The following NDNF variants were observed in gnomAD, a reference collection of about 807,000 sequenced individuals.
The protein encoded by NDNF is protein NDNF.
In NDNF, 16 loss-of-function variants were observed where a neutral mutation model predicts 42.0. That is an observed-to-expected ratio of 0.38 (90% CI 0.26 to 0.58). NDNF has a LOEUF of 0.58. NDNF is among the 20% of genes least tolerant of loss of function. NDNF has a pLI of 0.67. For synonymous variants in NDNF, 248 were observed against 251.7 expected (o/e 0.99, Z 0.14); for missense variants, 616 against 666.2 (o/e 0.92, Z 0.83).
chr4:121,065,767 T>C (rs1181309208), intron 1 of NDNF, among the ~76,000 whole-genome samples: 1 of 151,906 alleles, frequency 6.6e-6, no homozygotes, highest in Non-Finnish European at 1.5e-5. Context: ...TTTATACATA[T>C]ATATGTATAA....
chr4:121,072,381 T>C lies in NDNF; in HGVS notation c.-390A>G, dbSNP rs1258827330. On this transcript the variant is annotated 5_prime_UTR_variant, in exon 1 of 4. Transcript: ENST00000379692. ...AGGATGCCGCAGCGACCCGCGGGGCTGGCGCGGGCTTCGCCGGCCGCCGCT... is the reference window on the plus strand; with the variant it reads ...AGGATGCCGCAGCGACCCGCGGGGCCGGCGCGGGCTTCGCCGGCCGCCGCT... The C allele has an allele frequency of 4.0e-5, 6 of 151,260 alleles. No individual in the cohort carries two copies. The highest frequency in any genetic ancestry group is 2.0e-4 in the Admixed American group (3 of 15,218). The allele number at this position is 151,260 out of a possible 1,614,324, so 9.4% of individuals were successfully genotyped here. A position where few individuals can be genotyped will look rare whatever the true frequency, so the allele number is the denominator to read the frequency against.
intron 1 of NDNF, among the ~76,000 whole-genome samples, chr4:121,056,220 G>A (rs1056547180): frequency 2.6e-5 from 4 of 152,194 alleles, no homozygotes; most frequent in African/African-American, 9.7e-5. Flanking sequence ...AATCCGGAAT[G>A]TAGCGAACTA....
chr4:121,037,876 C>A (rs1028783041), intron 3 of NDNF: 15 of 402,350 alleles, frequency 3.7e-5, no homozygotes, highest in Non-Finnish European at 6.6e-5. Context: ...ATTATTTCTT[C>A]AGAGCAGAAT....
chr4:121,037,412 G>T lies in NDNF; in HGVS notation c.559C>A (p.Leu187Met), dbSNP rs747607712. 1.5e-5 allele frequency: 25 copies of T among 1,614,042 alleles called. No individual in the cohort carries two copies. Among genetic ancestry groups the T allele is most frequent in the Non-Finnish European group, 1.9e-5 (23 of 1,180,038 alleles). Residue 187 changes from leucine to methionine, a missense_variant, in exon 4 of 4, where the codon CTG (leucine) becomes ATG (methionine). By Grantham distance (15) the Leu-to-Met change is conservative. Transcript: ENST00000379692. ...PYDPRVDVTS[L>M]GRTTVTLAWK... ...GCCAAAGTGACCGTGGTGCGCCCCA[G>T]TGAGGTCACATCTACTCTTGGGTCA...
At chr4:121,048,800 T>C (rs1463786902) in intron 1 of NDNF, among the ~76,000 whole-genome samples, 2 of 151,846 alleles carry the variant, frequency 1.3e-5, no homozygotes, top group Non-Finnish European at 2.9e-5. Context: ...ATCACGCCAC[T>C]GCACTCCAGC....
At position 121,072,243 on chromosome 4, in the gene NDNF, T is replaced by C. The variant is rs546011761; in HGVS notation, c.-252A>G. The C allele has an allele frequency of 3.9e-5, 6 of 152,808 alleles. No homozygotes were observed. In the East Asian group the frequency reaches 1.2e-3, roughly 30 times the overall value. 9.5% of individuals were successfully genotyped at this position (152,808 alleles called of 1,614,324 possible). A position where few individuals can be genotyped will look rare whatever the true frequency, so the allele number is the denominator to read the frequency against. On this transcript the variant is annotated 5_prime_UTR_variant, in exon 1 of 4. Transcript: ENST00000379692. ...GCGGGCGGCGCGCGGTCGCCGAAGT[T>C]GCTGCGAAGTGGAGTAGGGAGCCGC...
At chr4:121,070,367 T>G (rs1237353202) in intron 1 of NDNF, among the ~76,000 whole-genome samples, 1 of 152,162 alleles carries the variant, frequency 6.6e-6, no homozygotes, top group Admixed American at 6.5e-5. Context: ...TTGGGAGGGA[T>G]GTTTTATCTC....
At chr4:121,070,947 G>A (rs1727582756) in intron 1 of NDNF, among the ~76,000 whole-genome samples, 1 of 152,164 alleles carries the variant, frequency 6.6e-6, no homozygotes, top group Non-Finnish European at 1.5e-5. Flanking sequence ...GAGCTGATGC[G>A]GGGCGGGTCC....
intron 1 of NDNF, among the ~76,000 whole-genome samples, chr4:121,052,209 A>C (rs1727210166): frequency 6.6e-6 from 1 of 152,232 alleles, no homozygotes; most frequent in Non-Finnish European, 1.5e-5. Flanking sequence ...CAGATTCATC[A>C]CTATAAATAT....
intron 3 of NDNF, among the ~76,000 whole-genome samples, chr4:121,039,208 A>AAAGACTATGTATG (rs1321895629): frequency 3.2e-5 from 3 of 93,778 alleles, no homozygotes; most frequent in Admixed American, 1.2e-4. Context: ...ATATATATAT[A>AAAGACTATGTATG]TATATATATA....
chr4:121,036,312 G>A lies in NDNF; in HGVS notation c.1659C>T (p.His553=), dbSNP rs1243431125. 2 of 1,613,672 alleles carry A rather than the reference G, an allele frequency of 1.2e-6. No individual in the cohort carries two copies. The highest frequency in any genetic ancestry group is 8.5e-7 in the Non-Finnish European group (1 of 1,179,860). The change falls in exon 4 of 4, where the codon CAC becomes CAT. Residue 553 remains histidine, a synonymous_variant. Transcript: ENST00000379692. ...CAACCTTACTCTGATACTTTACAGAGTGCCCCCCATGTCCTATGACATAAA... is the reference window on the plus strand; with the variant it reads ...CAACCTTACTCTGATACTTTACAGAATGCCCCCCATGTCCTATGACATAAA... The part of the protein sequence containing the change: ...LDVYVIGHGG[H]SVKYQSKVVK...
At chr4:121,052,291 G>A (rs1727211832) in intron 1 of NDNF, among the ~76,000 whole-genome samples, 1 of 152,154 alleles carries the variant, frequency 6.6e-6, no homozygotes, top group South Asian at 2.1e-4. Flanking sequence ...TAATGTGCCT[G>A]ATCATGTGCA....
At position 121,039,190 on chromosome 4, in the gene NDNF, GTGTATATATATA is replaced by G. The variant is rs1356523360; in HGVS notation, c.313+728_313+739del. Among the ~76,000 whole-genome samples the G allele has an allele frequency of 3.5e-3, 238 of 67,964 alleles. 2 individuals are homozygous for G. The highest frequency in any genetic ancestry group is 0.014 in the African/African-American group (178 of 12,810). The allele number at this position is 67,964 out of a possible 152,430, so 44.6% of individuals were successfully genotyped here. Reference sequence around the variant, plus strand: ...ATATATAAAGACTATGTGTGTGTGTGTGTATATATATATATATATATATATATATATATATAT... The same window carrying G: ...ATATATAAAGACTATGTGTGTGTGTGTATATATATATATATATATATATAT... On this transcript the variant is annotated intron_variant, in intron 3 of 3. Coordinates refer to ENST00000379692, the MANE Select transcript of NDNF (RefSeq NM_024574.4).
Position 121,051,663 on chromosome 4 carries a change from C to G in NDNF, c.-1-5825G>C, listed in dbSNP as rs17051285. On this transcript the variant is annotated intron_variant, in intron 1 of 3. Coordinates refer to ENST00000379692, the MANE Select transcript of NDNF (RefSeq NM_024574.4). ...ATTTTGCAAAATTTATCTGCAATTA[C>G]ATAAGATCAACTAGTCAATTTACCC... 7.7e-4 allele frequency among the ~76,000 whole-genome samples: 117 copies of G among 152,274 alleles called. No individual in the cohort carries two copies. The East Asian group carries it at 0.018, about 24-fold the overall frequency.
chr4:121,060,395 G>A (rs1264143847), intron 1 of NDNF, among the ~76,000 whole-genome samples: 3 of 151,988 alleles, frequency 2.0e-5, no homozygotes, highest in East Asian at 3.9e-4. Context: ...TGCCCAGGCT[G>A]GTTTTGAACT....
chr4:121,050,908 T>C (rs1428440757), intron 1 of NDNF, among the ~76,000 whole-genome samples: 1 of 152,084 alleles, frequency 6.6e-6, no homozygotes, highest in Non-Finnish European at 1.5e-5. Flanking sequence ...GGAAATAAAA[T>C]TGTCCAAAGG....
In NDNF at chr4:121,072,387, G is replaced by C. The variant is rs867874362; in HGVS notation, c.-396C>G. Reference sequence around the variant, plus strand: ...CCGCAGCGACCCGCGGGGCTGGCGCGGGCTTCGCCGGCCGCCGCTAGTCGC... The same window carrying C: ...CCGCAGCGACCCGCGGGGCTGGCGCCGGCTTCGCCGGCCGCCGCTAGTCGC... On this transcript the variant is annotated 5_prime_UTR_variant, in exon 1 of 4. Transcript: ENST00000379692. 3 of 151,496 alleles carry C rather than the reference G, an allele frequency of 2.0e-5. No individual in the cohort carries two copies. The highest frequency in any genetic ancestry group is 3.9e-4 in the East Asian group (2 of 5,084). The allele number at this position is 151,496 out of a possible 1,614,324, so 9.4% of individuals were successfully genotyped here.
At chr4:121,051,198 T>C (rs1727188490) in intron 1 of NDNF, among the ~76,000 whole-genome samples, 1 of 152,172 alleles carries the variant, frequency 6.6e-6, no homozygotes, top group Non-Finnish European at 1.5e-5. Context: ...GGATTCTTTC[T>C]AATGTTTTAG....
At chr4:121,069,211 T>C (rs1727548920) in intron 1 of NDNF, among the ~76,000 whole-genome samples, 1 of 152,216 alleles carries the variant, frequency 6.6e-6, no homozygotes, top group African/African-American at 2.4e-5. Flanking sequence ...TGTGGCTATT[T>C]CCAAGGTAGC....
Sources: gnomAD v4.1 joint callset for allele counts (sites outside exome capture counted in the v4.1 genomes callset) on GRCh38, gnomAD v4.1.1 for gene constraint, MANE v1.5 for transcripts, NCBI Gene and HGNC (gene_info 2026-07-23, HGNC 2026-07-21) for gene names.